CAST: variants seen among roughly 807,000 people sequenced by gnomAD.
CAST encodes calpastatin, also known as MIR583 host.
A neutral mutation model predicts 119.6 loss-of-function variants in CAST; 76 were observed. The ratio of observed to expected loss-of-function variants is 0.64; its 90% CI spans 0.53 to 0.77. The LOEUF is 0.77. CAST is among the 30% of genes least tolerant of loss of function. The probability of loss-of-function intolerance (pLI) is 0.00; values close to 1 mark genes in which losing one functional copy is unlikely to be tolerated. For synonymous variants in CAST, 319 were observed against 331.6 expected, an observed-to-expected ratio of 0.96 and a Z score of 0.41; for missense variants, 953 against 946.5, an observed-to-expected ratio of 1.01 and a Z score of -0.09.
intron 1 of CAST, among the ~76,000 whole-genome samples, chr5:96,571,671 T>C (rs1411145391): frequency 6.6e-6 from 1 of 152,202 alleles, no homozygotes; most frequent in East Asian, 1.9e-4. Flanking sequence ...CTCACATCTG[T>C]CAGGTCTCCA....
At chr5:96,479,174 C>A in the CAST span, among the ~76,000 whole-genome samples, 1 of 152,128 alleles carries the variant, frequency 6.6e-6, no homozygotes, top group East Asian at 1.9e-4. Flanking sequence ...AGGCTCTTCC[C>A]ACGGCACTTG....
chr5:96,204,867 C>T, the CAST span, among the ~76,000 whole-genome samples: 1 of 152,032 alleles, frequency 6.6e-6, no homozygotes, highest in African/African-American at 2.4e-5. Flanking sequence ...TAATTTGCAT[C>T]AGAATTTATT....
the CAST span, among the ~76,000 whole-genome samples, chr5:96,488,168 C>T: frequency 4.6e-5 from 7 of 152,150 alleles, no homozygotes; most frequent in Non-Finnish European, 7.4e-5. Context: ...CTTGCTAATT[C>T]AGTGTGTATG....
intron 1 of CAST, among the ~76,000 whole-genome samples, chr5:96,632,628 G>C (rs768021070): frequency 1.0e-4 from 14 of 139,906 alleles, no homozygotes; most frequent in Non-Finnish European, 2.1e-4. Flanking sequence ...AGAACAGAGT[G>C]CTAATTTATT....
At chr5:96,641,539 T>C (rs963371084) in intron 1 of CAST, among the ~76,000 whole-genome samples, 1 of 152,160 alleles carries the variant, frequency 6.6e-6, no homozygotes, top group Non-Finnish European at 1.5e-5. Flanking sequence ...TTTACAGTGC[T>C]TGATGGTTTC....
chr5:96,759,638 C>T (rs1251117851), intron 24 of CAST, among the ~76,000 whole-genome samples: 2 of 151,678 alleles, frequency 1.3e-5, no homozygotes, highest in Non-Finnish European at 2.9e-5. Context: ...AGTTAACTGG[C>T]CAATAGTTGT....
chr5:96,716,395 G>A (rs746060442), intron 3 of CAST, among the ~76,000 whole-genome samples: 2 of 152,180 alleles, frequency 1.3e-5, no homozygotes, highest in Non-Finnish European at 2.9e-5. Flanking sequence ...AATTTCTGAC[G>A]ATCAAATAAT....
At chr5:96,298,897 T>TGTGTGTGTGC in the CAST span, among the ~76,000 whole-genome samples, 3 of 151,750 alleles carry the variant, frequency 2.0e-5, no homozygotes, top group Non-Finnish European at 4.4e-5. Context: ...TGTGTGTGTG[T>TGTGTGTGTGC]GCCTTAAAAA....
At chr5:96,546,780 CT>C (rs1746028354) in intron 1 of CAST, among the ~76,000 whole-genome samples, 1 of 152,142 alleles carries the variant, frequency 6.6e-6, no homozygotes, top group Non-Finnish European at 1.5e-5. Context: ...AGTATTGTAC[CT>C]TTTTTTCCAC....
chr5:96,648,900 A>C (rs1285405172), intron 1 of CAST, among the ~76,000 whole-genome samples: 1 of 152,006 alleles, frequency 6.6e-6, no homozygotes, highest in Non-Finnish European at 1.5e-5. Flanking sequence ...CAAGGACTTC[A>C]TCTTGCTCAC....
chr5:96,766,203 C>T lies in CAST; in HGVS notation c.2130+58C>T, dbSNP rs536860924. ...TGCTACCAAGATCTTTAAATTCAAA[C>T]CTCCCTTGAAATAAATAGTAGCTAT... On this transcript the variant is annotated intron_variant, in intron 27 of 31. Coordinates refer to ENST00000675179, the MANE Select transcript of CAST (RefSeq NM_001750.7). 6.1e-4 allele frequency: 582 copies of T among 951,280 alleles called. 2 individuals are homozygous for T. Among genetic ancestry groups the T allele is most frequent in the Middle Eastern group, 4.5e-3 (21 of 4,680 alleles). The allele number at this position is 951,280 out of a possible 1,614,324, so 58.9% of individuals were successfully genotyped here. A position where few individuals can be genotyped will look rare whatever the true frequency, so the allele number is the denominator to read the frequency against.
the CAST span, among the ~76,000 whole-genome samples, chr5:96,129,808 GA>G: frequency 6.6e-6 from 1 of 151,914 alleles, no homozygotes. Flanking sequence ...TTGACAAGTA[GA>G]AAAGTTTATG....
the CAST span, among the ~76,000 whole-genome samples, chr5:95,986,919 G>A: frequency 2.6e-5 from 4 of 152,132 alleles, no homozygotes; most frequent in Non-Finnish European, 4.4e-5. Context: ...GCTGCACAGA[G>A]GCCTGTGGAC....
At chr5:96,502,433 T>A in the CAST span, among the ~76,000 whole-genome samples, 2 of 151,948 alleles carry the variant, frequency 1.3e-5, no homozygotes, top group African/African-American at 4.8e-5. Context: ...TTTTAATTTT[T>A]AAAAATTCTT....
chr5:96,088,125 G>T, the CAST span, among the ~76,000 whole-genome samples: 1 of 152,270 alleles, frequency 6.6e-6, no homozygotes, highest in South Asian at 2.1e-4. Context: ...CAACATCCTG[G>T]TTTAAAAATC....
chr5:96,361,306 C>G, the CAST span, among the ~76,000 whole-genome samples: 1 of 152,166 alleles, frequency 6.6e-6, no homozygotes, highest in Non-Finnish European at 1.5e-5. Flanking sequence ...CCAGTTGGTT[C>G]CCTGGTTTCG....
the CAST span, among the ~76,000 whole-genome samples, chr5:96,054,281 G>T: frequency 1.5e-4 from 23 of 151,912 alleles, no homozygotes; most frequent in African/African-American, 5.3e-4. Context: ...TTTCTCTGTT[G>T]CCCAGACTGG....
chr5:96,202,383 T>C, the CAST span, among the ~76,000 whole-genome samples: 1 of 152,100 alleles, frequency 6.6e-6, no homozygotes, highest in African/African-American at 2.4e-5. Flanking sequence ...AGTGACATTA[T>C]GATTCAGAAT....
At chr5:96,350,349 A>T in the CAST span, among the ~76,000 whole-genome samples, 3 of 152,150 alleles carry the variant, frequency 2.0e-5, no homozygotes, top group Non-Finnish European at 4.4e-5. Flanking sequence ...TTATGCCTTC[A>T]TCTGGCTCCA....
Sources: gnomAD v4.1 joint callset for allele counts (sites outside exome capture counted in the v4.1 genomes callset) on GRCh38, gnomAD v4.1.1 for gene constraint, MANE v1.5 for transcripts, NCBI Gene and HGNC (gene_info 2026-07-23, HGNC 2026-07-21) for gene names.